Variants in SCFD2 observed in about 807,000 individuals in gnomAD.
SCFD2 encodes sec1 family domain-containing protein 2.
Under a neutral mutation model 58.9 loss-of-function variants are expected in SCFD2, and 54 were observed. The ratio of observed to expected loss-of-function variants is 0.92; its 90% CI spans 0.74 to 1.15. The LOEUF (loss-of-function observed/expected upper bound fraction) is 1.15. SCFD2 is among the 50% of genes most tolerant of loss of function. SCFD2 has a pLI of 0.00. For missense variants in SCFD2, 805 were observed against 836.6 expected, an observed-to-expected ratio of 0.96 and a Z score of 0.47; for synonymous variants, 321 against 335.9, an observed-to-expected ratio of 0.96 and a Z score of 0.49.
Position 52,924,789 on chromosome 4 carries a change from C to T in SCFD2, c.1562-3919G>A, listed in dbSNP as rs534340075. Among the ~76,000 whole-genome samples the T allele has an allele frequency of 1.8e-4, 27 of 152,290 alleles. No homozygotes were observed. The South Asian group carries it at 2.3e-3, about 13-fold the overall frequency. On this transcript the variant is annotated intron_variant, in intron 5 of 8. Transcript: ENST00000401642. ...AAATGACGTATGCAAGATCACATCA[C>T]TATTCCCAGCAGAGCCAGGGTTCAA...
At chr4:53,046,766 C>T (rs548386843) in intron 5 of SCFD2, among the ~76,000 whole-genome samples, 174 of 152,288 alleles carry the variant, frequency 1.1e-3, no homozygotes, top group African/African-American at 3.9e-3. Context: ...CTCCCAGGTT[C>T]AAGCAATTCT....
intron 5 of SCFD2, among the ~76,000 whole-genome samples, chr4:53,066,053 T>C (rs1723654319): frequency 6.6e-6 from 1 of 152,090 alleles, no homozygotes; most frequent in African/African-American, 2.4e-5. Context: ...TGAAGTAAAA[T>C]GATTCCCCTA....
At chr4:53,206,903 A>G (rs2148974274) in intron 4 of SCFD2, among the ~76,000 whole-genome samples, 1 of 152,242 alleles carries the variant, frequency 6.6e-6, no homozygotes, top group East Asian at 1.9e-4. Flanking sequence ...TTGCTATAAG[A>G]GAATACAAAG....
intron 8 of SCFD2, among the ~76,000 whole-genome samples, chr4:52,880,782 C>G (rs1433243866): frequency 6.6e-6 from 1 of 152,174 alleles, no homozygotes; most frequent in Admixed American, 6.5e-5. Flanking sequence ...GCTGGCCGTT[C>G]CCTGTATTTC....
At chr4:52,961,182 G>A (rs142306133) in intron 5 of SCFD2, among the ~76,000 whole-genome samples, 52 of 152,272 alleles carry the variant, frequency 3.4e-4, no homozygotes, top group African/African-American at 1.2e-3. Flanking sequence ...ATCTGGCCAC[G>A]GTGAGGGCTC....
At chr4:52,997,749 C>T (rs1721776872) in intron 5 of SCFD2, among the ~76,000 whole-genome samples, 1 of 152,154 alleles carries the variant, frequency 6.6e-6, no homozygotes, top group Non-Finnish European at 1.5e-5. Flanking sequence ...CCTAGACAGT[C>T]AGATAAGGAA....
chr4:52,889,180 C>T lies in SCFD2; in HGVS notation c.1843-3314G>A, dbSNP rs150892891. 1.2e-4 allele frequency among the ~76,000 whole-genome samples: 19 copies of T among 152,266 alleles called. No homozygotes were observed. The East Asian group carries it at 3.5e-3, about 28-fold the overall frequency. ...TAGCCTTCAAGTTTGTCTCCCCATC[C>T]GCAGTTTGGCCATACCCCATCCATT... On this transcript the variant is annotated intron_variant, in intron 7 of 8. Transcript: ENST00000401642.
intron 7 of SCFD2, among the ~76,000 whole-genome samples, chr4:52,898,369 T>C (rs1399015369): frequency 6.6e-6 from 1 of 152,234 alleles, no homozygotes; most frequent in Non-Finnish European, 1.5e-5. Flanking sequence ...TTCTCATTGG[T>C]TTCAAAGAAC....
At chr4:53,361,571 AT>A (rs1332233344) in intron 1 of SCFD2, among the ~76,000 whole-genome samples, 3 of 152,034 alleles carry the variant, frequency 2.0e-5, no homozygotes, top group Non-Finnish European at 2.9e-5. Context: ...TAATTTTTGT[AT>A]TTTTTATAGA....
intron 1 of SCFD2, among the ~76,000 whole-genome samples, chr4:53,356,571 T>C (rs1349296550): frequency 6.6e-6 from 1 of 151,998 alleles, no homozygotes; most frequent in Non-Finnish European, 1.5e-5. Context: ...CACTACAGCA[T>C]GCAACACCAT....
chr4:53,076,982 T>C (rs1723995826), intron 5 of SCFD2, among the ~76,000 whole-genome samples: 1 of 152,232 alleles, frequency 6.6e-6, no homozygotes, highest in African/African-American at 2.4e-5. Flanking sequence ...AGTTCAGTTC[T>C]AAGATGTATA....
At chr4:52,913,663 C>T (rs1719538796) in intron 6 of SCFD2, among the ~76,000 whole-genome samples, 1 of 152,238 alleles carries the variant, frequency 6.6e-6, no homozygotes, top group South Asian at 2.1e-4. Flanking sequence ...CCCCACCCTG[C>T]ACCGCCTGGT....
intron 6 of SCFD2, among the ~76,000 whole-genome samples, chr4:52,912,968 T>C (rs1477787156): frequency 1.3e-5 from 2 of 152,226 alleles, no homozygotes; most frequent in Non-Finnish European, 2.9e-5. Context: ...TTTGTCTCCA[T>C]ATTAAGAGGG....
At chr4:53,193,168 C>A (rs1727962962) in intron 4 of SCFD2, among the ~76,000 whole-genome samples, 1 of 151,982 alleles carries the variant, frequency 6.6e-6, no homozygotes, top group Non-Finnish European at 1.5e-5. Flanking sequence ...ACAAGTCTAT[C>A]CAGGAATGAC....
At chr4:53,091,814 A>G (rs1289863907) in intron 5 of SCFD2, among the ~76,000 whole-genome samples, 3 of 152,160 alleles carry the variant, frequency 2.0e-5, no homozygotes, top group Non-Finnish European at 2.9e-5. Context: ...GCAATGCTAC[A>G]TCTTCACTAT....
chr4:52,901,985 T>G (rs1048151213), intron 7 of SCFD2, among the ~76,000 whole-genome samples: 1 of 152,238 alleles, frequency 6.6e-6, no homozygotes, highest in African/African-American at 2.4e-5. Context: ...GTGAGCCATT[T>G]CCAAGTACCT....
chr4:53,125,877 G>A (rs1725612541), intron 5 of SCFD2, among the ~76,000 whole-genome samples: 1 of 152,126 alleles, frequency 6.6e-6, no homozygotes, highest in Non-Finnish European at 1.5e-5. Context: ...CAGGAGTGAT[G>A]GTTCCATCCA....
chr4:53,176,196 C>T (rs191039310), intron 4 of SCFD2, among the ~76,000 whole-genome samples: 4 of 152,176 alleles, frequency 2.6e-5, no homozygotes, highest in Non-Finnish European at 5.9e-5. Context: ...ACATTATAGC[C>T]TACCTACAAA....
chr4:53,211,534 C>T (rs1436241816), intron 4 of SCFD2, among the ~76,000 whole-genome samples: 1 of 152,074 alleles, frequency 6.6e-6, no homozygotes, highest in Non-Finnish European at 1.5e-5. Flanking sequence ...TTCTGCAGGC[C>T]AAGACTTGAG....
Sources: allele counts gnomAD v4.1 joint callset (sites outside exome capture counted in the v4.1 genomes callset), GRCh38; gene constraint gnomAD v4.1.1; transcripts MANE v1.5; gene names NCBI Gene and HGNC (gene_info 2026-07-23, HGNC 2026-07-21).